CERS6: variants seen among roughly 807,000 people sequenced by gnomAD.
CERS6 encodes LAG1 homolog, ceramide synthase 6.
In CERS6, 26 loss-of-function variants were observed where a neutral mutation model predicts 56.8. The observed-to-expected ratio is 0.46, with a 90% CI of 0.34 to 0.63. The LOEUF (loss-of-function observed/expected upper bound fraction) is 0.63, where lower values mean the gene tolerates loss of function less well. Among genes scored for constraint, CERS6 ranks in the 30% least tolerant of loss-of-function variants. The probability of loss-of-function intolerance (pLI) is 0.01; values close to 1 mark genes in which losing one functional copy is unlikely to be tolerated. For missense variants in CERS6, 415 were observed against 467.5 expected, an observed-to-expected ratio of 0.89 and a Z score of 1.04; for synonymous variants, 164 against 173.3, an observed-to-expected ratio of 0.95 and a Z score of 0.42.
At chr2:168,739,766 G>C (rs963905434) in intron 8 of CERS6, among the ~76,000 whole-genome samples, 1 of 149,188 alleles carries the variant, frequency 6.7e-6, no homozygotes, top group Non-Finnish European at 1.5e-5. Context: ...TTTTTTTTGA[G>C]ACAGAGTCTC....
At chr2:168,542,822 G>C (rs1284575956) in intron 1 of CERS6, among the ~76,000 whole-genome samples, 1 of 152,074 alleles carries the variant, frequency 6.6e-6, no homozygotes, top group African/African-American at 2.4e-5. Flanking sequence ...TCAGCTTCCA[G>C]AGTAGCTGGG....
At chr2:168,555,766 A>G (rs868191336) in intron 2 of CERS6, among the ~76,000 whole-genome samples, 72 of 99,994 alleles carry the variant, frequency 7.2e-4, no homozygotes, top group African/African-American at 2.6e-3. Context: ...GTGTGTGTGT[A>G]TGTAAAGATC....
chr2:168,486,519 G>T (rs199888746), intron 1 of CERS6, among the ~76,000 whole-genome samples: 3,749 of 126,964 alleles, frequency 0.03, 83 homozygotes, highest in East Asian at 0.11. Context: ...TCTAGATTTG[G>T]TTTTGTTTTT....
At position 168,765,740 on chromosome 2, in the gene CERS6, A is replaced by G; in HGVS notation, c.994A>G (p.Arg332Gly). Residue 332 changes from arginine to glycine, a missense_variant, in exon 9 of 10, where the codon AGA (arginine) becomes GGA (glycine). Coordinates refer to ENST00000305747, the MANE Select transcript of CERS6 (RefSeq NM_203463.3). ...IVKIACKAVSRGKVSKDDRSD... is the reference protein window; with the variant it reads ...IVKIACKAVSGGKVSKDDRSD... ...GAAAATAGCTTGCAAAGCTGTTTCAAGAGGCAAGGTAAGCTACAACTCACT... is the reference window on the plus strand; with the variant it reads ...GAAAATAGCTTGCAAAGCTGTTTCAGGAGGCAAGGTAAGCTACAACTCACT... 1 of 1,611,614 alleles carries G rather than the reference A, an allele frequency of 6.2e-7. No homozygotes were observed.
At chr2:168,649,399 T>TA (rs944042594) in intron 4 of CERS6, among the ~76,000 whole-genome samples, 2 of 152,118 alleles carry the variant, frequency 1.3e-5, no homozygotes, top group Non-Finnish European at 2.9e-5. Flanking sequence ...AGTCAACCCC[T>TA]AAAAAACAAA....
At position 168,607,102 on chromosome 2, in the gene CERS6, TTTTTACATTTTTAAATGGTTATA is replaced by T. The variant is rs1294425716; in HGVS notation, c.408-23862_408-23840del. Among the ~76,000 whole-genome samples, 4 of 152,038 alleles carry T rather than the reference TTTTTACATTTTTAAATGGTTATA, an allele frequency of 2.6e-5. No individual in the cohort carries two copies. In the East Asian group the frequency reaches 5.8e-4, roughly 22 times the overall value. ...TGCAAGAATGGACTATTACAATGGG[TTTTTACATTTTTAAATGGTTATA>T]TTTTACATTTTTAAATGGTTTTTAC... On this transcript the variant is annotated intron_variant, in intron 3 of 9. Transcript: ENST00000305747.
At chr2:168,645,136 TATATATAG>T (rs1484561658) in intron 4 of CERS6, among the ~76,000 whole-genome samples, 24 of 35,492 alleles carry the variant, frequency 6.8e-4, no homozygotes, top group Non-Finnish European at 8.8e-4. Flanking sequence ...TATATATATA[TATATATAG>T]AGAGAGAGAG....
At chr2:168,724,326 A>G (rs1683278193) in intron 8 of CERS6, among the ~76,000 whole-genome samples, 1 of 152,206 alleles carries the variant, frequency 6.6e-6, no homozygotes, top group African/African-American at 2.4e-5. Context: ...TCATAAAAGC[A>G]GTGTGGACCC....
At position 168,456,764 on chromosome 2, in the gene CERS6, C is replaced by T. The variant is rs1693670530; in HGVS notation, c.170+146C>T. 1.4e-6 allele frequency: 1 copy of T among 721,856 alleles called. No individual in the cohort carries two copies. The highest frequency in any genetic ancestry group is 2.2e-6 in the Non-Finnish European group (1 of 446,678). 44.7% of individuals were successfully genotyped at this position (721,856 alleles called of 1,614,324 possible). A position where few individuals can be genotyped will look rare whatever the true frequency, so the allele number is the denominator to read the frequency against. ...TTGTGTTCGGGGAGGGGTTGCTGAC[C>T]CCCCTGCCCCGCTGGCTTTCTGGGA... is the stretch of plus-strand genomic sequence containing the variant. On this transcript the variant is annotated intron_variant, in intron 1 of 9. Coordinates refer to ENST00000305747, the MANE Select transcript of CERS6 (RefSeq NM_203463.3). The surrounding 1 kb of genome is among the most constrained non-coding windows in gnomAD (Gnocchi z 4.1).
At chr2:168,508,065 G>T (rs1403467159) in intron 1 of CERS6, among the ~76,000 whole-genome samples, 2 of 152,074 alleles carry the variant, frequency 1.3e-5, no homozygotes, top group Non-Finnish European at 2.9e-5. Context: ...ATTTGCTTTT[G>T]TCTGTCCATA....
chr2:168,523,470 G>A lies in CERS6; in HGVS notation c.171-24126G>A, dbSNP rs76173963. Reference sequence around the variant, plus strand: ...GAATTACCCTTCCTAAATAAAAGGGGTGTTTTGTTTGTATGAATGAAAGAG... The same window carrying A: ...GAATTACCCTTCCTAAATAAAAGGGATGTTTTGTTTGTATGAATGAAAGAG... On this transcript the variant is annotated intron_variant, in intron 1 of 9. Transcript: ENST00000305747. Among the ~76,000 whole-genome samples the A allele has an allele frequency of 8.9e-3, 1,350 of 152,168 alleles. 11 individuals are homozygous for A. The highest frequency in any genetic ancestry group is 0.019 in the African/African-American group (808 of 41,512).
chr2:168,632,117 G>A (rs886537318), intron 4 of CERS6, among the ~76,000 whole-genome samples: 2 of 151,416 alleles, frequency 1.3e-5, no homozygotes, highest in Non-Finnish European at 2.9e-5. Flanking sequence ...ACTACTGTCG[G>A]GTTAGACTCC....
chr2:168,704,691 C>G (rs1295344890), intron 6 of CERS6, among the ~76,000 whole-genome samples: 1 of 152,176 alleles, frequency 6.6e-6, no homozygotes, highest in Non-Finnish European at 1.5e-5. Flanking sequence ...ACTGCAACCT[C>G]CACCTCCCGG....
rs181189460 is a variant in CERS6 at position 168,656,687 on chromosome 2, C to G, written c.465+25645C>G. 6.0e-3 allele frequency among the ~76,000 whole-genome samples: 914 copies of G among 152,172 alleles called. 11 individuals carry two copies. The highest frequency in any genetic ancestry group is 0.019 in the African/African-American group (780 of 41,522). ...CGTGGACCCAAAGAGTGAGCAGTAG[C>G]AAGATTTATTGCAAAGAGCGAAAGA... On this transcript the variant is annotated intron_variant, in intron 4 of 9. Transcript: ENST00000305747.
chr2:168,544,550 C>T (rs1695428057), intron 1 of CERS6, among the ~76,000 whole-genome samples: 1 of 152,088 alleles, frequency 6.6e-6, no homozygotes, highest in South Asian at 2.1e-4. Context: ...GAAGTGTGGC[C>T]ACAGCATTCT....
intron 4 of CERS6, among the ~76,000 whole-genome samples, chr2:168,634,633 G>A (rs769649957): frequency 2.0e-5 from 3 of 152,050 alleles, no homozygotes; most frequent in Admixed American, 6.6e-5. Context: ...GGCTGGTCTC[G>A]AACTCCTGAC....
chr2:168,623,718 A>G (rs1382752692), intron 3 of CERS6, among the ~76,000 whole-genome samples: 1 of 152,178 alleles, frequency 6.6e-6, no homozygotes, highest in Non-Finnish European at 1.5e-5. Flanking sequence ...GTAAAATTTG[A>G]TATTTATACA....
chr2:168,515,859 T>A lies in CERS6; in HGVS notation c.171-31737T>A, dbSNP rs1694875433. 1.3e-5 allele frequency among the ~76,000 whole-genome samples: 2 copies of A among 152,174 alleles called. 1 individual carries two copies. Among genetic ancestry groups the A allele is most frequent in the Admixed American group, 1.3e-4 (2 of 15,276 alleles). ...TACTCTGTAGCTTTCTGGGATCCTA[T>A]CTCTGGTGACTTTTTTGAGAAGCAC... On this transcript the variant is annotated intron_variant, in intron 1 of 9. Coordinates refer to ENST00000305747, the MANE Select transcript of CERS6 (RefSeq NM_203463.3).
At chr2:168,733,112 C>A (rs1683597675) in intron 8 of CERS6, among the ~76,000 whole-genome samples, 1 of 152,004 alleles carries the variant, frequency 6.6e-6, no homozygotes, top group Non-Finnish European at 1.5e-5. Context: ...TGCTGCAAAA[C>A]AATAAAAGGA....
Sources: allele counts gnomAD v4.1 joint callset (sites outside exome capture counted in the v4.1 genomes callset), GRCh38; gene constraint gnomAD v4.1.1; non-coding constraint Gnocchi (gnomAD v3.1); transcripts MANE v1.5; gene names NCBI Gene and HGNC (gene_info 2026-07-23, HGNC 2026-07-21).